PPARGC1A: variants seen among roughly 807,000 people sequenced by gnomAD.
PPARGC1A encodes the protein peroxisome proliferator-activated receptor gamma coactivator 1-alpha.
Under a neutral mutation model 88.7 loss-of-function variants are expected in PPARGC1A, and 25 were observed. The observed-to-expected ratio is 0.28, with a 90% confidence interval of 0.21 to 0.39. The LOEUF is 0.39. Among genes scored for constraint, PPARGC1A ranks in the 10% least tolerant of loss-of-function variants. The pLI is 1.00. For synonymous variants in PPARGC1A, 363 were observed against 355.6 expected, an observed-to-expected ratio of 1.02 and a Z score of -0.24; for missense variants, 880 against 968.7, an observed-to-expected ratio of 0.91 and a Z score of 1.22.
chr4:24,264,663 C>T, the PPARGC1A span, among the ~76,000 whole-genome samples: 2 of 152,226 alleles, frequency 1.3e-5, no homozygotes, highest in Non-Finnish European at 2.9e-5. Flanking sequence ...AAGGAAAGCA[C>T]CCAGCACAGT....
chr4:24,416,448 G>C, the PPARGC1A span, among the ~76,000 whole-genome samples: 1 of 152,186 alleles, frequency 6.6e-6, no homozygotes, highest in East Asian at 1.9e-4. Context: ...CAAGAGGTCA[G>C]GAGTGCCAGA....
Position 23,898,954 on chromosome 4 carries a change from G to A in PPARGC1A, n.52+313C>T, listed in dbSNP as rs142633298. On this transcript the variant is annotated intron_variant and non_coding_transcript_variant, in intron 1 of 3. Coordinates refer to the PPARGC1A transcript ENST00000507342. ...AGATTCAAGCTATTCTCCTGCCTCA[G>A]CCTCCTGAGTAGCTGGGATTACAGG... is the stretch of plus-strand genomic sequence containing the variant. Among the ~76,000 whole-genome samples, 1,049 of 151,248 alleles carry A rather than the reference G, an allele frequency of 6.9e-3. 49 individuals are homozygous for A. The East Asian group carries it at 0.12, about 17-fold the overall frequency.
At chr4:23,972,974 C>T in the PPARGC1A span, among the ~76,000 whole-genome samples, 1 of 152,164 alleles carries the variant, frequency 6.6e-6, no homozygotes, top group Non-Finnish European at 1.5e-5. Flanking sequence ...CCCTCAGCTG[C>T]TCGTTAAGCA....
upstream of PPARGC1A, among the ~76,000 whole-genome samples, chr4:23,908,175 G>C (rs1392406691): frequency 1.3e-5 from 2 of 152,222 alleles, no homozygotes; most frequent in Admixed American, 6.5e-5. Context: ...ACGAGCGACA[G>C]TGTCTGCATT....
At chr4:24,407,551 G>A in the PPARGC1A span, among the ~76,000 whole-genome samples, 1 of 152,214 alleles carries the variant, frequency 6.6e-6, no homozygotes, top group South Asian at 2.1e-4. Flanking sequence ...ATTTTAAGAG[G>A]AGGCAACTAA....
At chr4:23,921,548 C>T in the PPARGC1A span, among the ~76,000 whole-genome samples, 10 of 152,186 alleles carry the variant, frequency 6.6e-5, no homozygotes, top group Non-Finnish European at 1.3e-4. Flanking sequence ...GCACACTGAA[C>T]ACCATTTTGT....
the PPARGC1A span, among the ~76,000 whole-genome samples, chr4:24,006,237 C>T: frequency 7.0e-4 from 107 of 152,172 alleles, no homozygotes; most frequent in Middle Eastern, 3.4e-3. Context: ...TTAGTAGAGA[C>T]GGGGTTTCAT....
chr4:24,338,023 C>T, the PPARGC1A span, among the ~76,000 whole-genome samples: 2,141 of 152,216 alleles, frequency 0.014, 55 homozygotes, highest in African/African-American at 0.049. Flanking sequence ...CTCTTGAGCA[C>T]GGTGACCCTC....
At chr4:24,315,645 A>G in the PPARGC1A span, among the ~76,000 whole-genome samples, 1 of 152,166 alleles carries the variant, frequency 6.6e-6, no homozygotes, top group South Asian at 2.1e-4. Flanking sequence ...GACATTTAGC[A>G]ATATCTAGAG....
chr4:24,366,750 G>A, the PPARGC1A span, among the ~76,000 whole-genome samples: 1 of 152,110 alleles, frequency 6.6e-6, no homozygotes, highest in Admixed American at 6.5e-5. Context: ...CCATTGTAAT[G>A]AATTAGAAAC....
At chr4:24,259,657 A>C in the PPARGC1A span, among the ~76,000 whole-genome samples, 1 of 152,202 alleles carries the variant, frequency 6.6e-6, no homozygotes, top group Non-Finnish European at 1.5e-5. Context: ...TGGGAGCAAT[A>C]GTATATACAG....
chr4:24,442,679 T>C, the PPARGC1A span, among the ~76,000 whole-genome samples: 18 of 152,222 alleles, frequency 1.2e-4, no homozygotes, highest in Non-Finnish European at 2.1e-4. Context: ...TTTATTTTTA[T>C]GGGGAGGACA....
At chr4:23,943,774 G>C in the PPARGC1A span, among the ~76,000 whole-genome samples, 14 of 152,162 alleles carry the variant, frequency 9.2e-5, no homozygotes, top group Non-Finnish European at 1.9e-4. Context: ...CATAAATCTT[G>C]TTGATAGCAT....
the PPARGC1A span, among the ~76,000 whole-genome samples, chr4:24,215,825 G>A: frequency 6.6e-6 from 1 of 152,184 alleles, no homozygotes; most frequent in Non-Finnish European, 1.5e-5. Context: ...AGATTGGCTT[G>A]TCATACCTTG....
upstream of PPARGC1A, among the ~76,000 whole-genome samples, chr4:23,900,182 AAATAG>A (rs1388276053): frequency 2.6e-5 from 4 of 152,192 alleles, no homozygotes; most frequent in Non-Finnish European, 5.9e-5. Flanking sequence ...ATCTATCAAA[AAATAG>A]AATAGGATTA....
the PPARGC1A span, among the ~76,000 whole-genome samples, chr4:24,122,909 G>A: frequency 3.9e-5 from 6 of 152,106 alleles, no homozygotes; most frequent in African/African-American, 7.2e-5. Context: ...AGAAGACCCC[G>A]GGATAACATG....
At chr4:24,125,544 T>A in the PPARGC1A span, among the ~76,000 whole-genome samples, 2 of 152,164 alleles carry the variant, frequency 1.3e-5, no homozygotes, top group African/African-American at 4.8e-5. Flanking sequence ...TTGATGCTAG[T>A]AGGGCTCAAT....
At chr4:23,874,337 ATG>A (rs1714233501) in intron 2 of PPARGC1A, among the ~76,000 whole-genome samples, 1 of 152,184 alleles carries the variant, frequency 6.6e-6, no homozygotes, top group South Asian at 2.1e-4. Context: ...GCAGAAACAG[ATG>A]TGCAGTGTGA....
At chr4:24,369,398 C>T in the PPARGC1A span, among the ~76,000 whole-genome samples, 3 of 151,986 alleles carry the variant, frequency 2.0e-5, no homozygotes, top group Admixed American at 1.3e-4. Flanking sequence ...GAATGGCATC[C>T]GAGACATGGA....
Sources: gnomAD v4.1 joint callset for allele counts (sites outside exome capture counted in the v4.1 genomes callset) on GRCh38, gnomAD v4.1.1 for gene constraint, MANE v1.5 for transcripts, NCBI Gene and HGNC (gene_info 2026-07-23, HGNC 2026-07-21) for gene names.